Variants in WDPCP observed in about 807,000 individuals in gnomAD.
The protein encoded by WDPCP is WD repeat containing planar cell polarity effector, also known as WD repeat-containing and planar cell polarity effector protein fritz homolog.
A neutral mutation model predicts 93.1 loss-of-function variants in WDPCP; 71 were observed. The observed-to-expected ratio is 0.76, with a 90% CI of 0.63 to 0.93. The LOEUF is 0.93. WDPCP is among the 40% of genes least tolerant of loss of function. The probability of loss-of-function intolerance (pLI) is 0.00; values close to 1 mark genes in which losing one functional copy is unlikely to be tolerated. For missense variants in WDPCP, 844 were observed against 887.4 expected (o/e 0.95, Z 0.62); for synonymous variants, 315 against 315.0 (o/e 1.00, Z 0.00).
In WDPCP at chr2:63,633,131, C is replaced by A. The variant is rs567035359; in HGVS notation, n.488+17528G>T. On this transcript the variant is annotated intron_variant and non_coding_transcript_variant, in intron 3 of 4. Coordinates refer to the WDPCP transcript ENST00000467687. ...AAAATATTTTACCCTGCAAAGCTGT[C>A]CTTCAGCAATGAATGAGAGAGAAAG... Among the ~76,000 whole-genome samples the A allele has an allele frequency of 2.6e-5, 4 of 152,228 alleles. No homozygotes were observed. The South Asian group carries it at 8.3e-4, about 32-fold the overall frequency.
At chr2:63,129,030 A>G (rs538544406) in intron 17 of WDPCP, among the ~76,000 whole-genome samples, 84 of 152,314 alleles carry the variant, frequency 5.5e-4, no homozygotes, top group African/African-American at 1.8e-3. Flanking sequence ...GAGTAATGCA[A>G]TATTTGTCCT....
At chr2:63,674,666 C>T (rs1477070894) in intron 2 of WDPCP, among the ~76,000 whole-genome samples, 25 of 151,422 alleles carry the variant, frequency 1.7e-4, no homozygotes, top group Admixed American at 1.6e-3. Flanking sequence ...TTCTATGTAC[C>T]CTTAGGAACT....
At chr2:63,263,707 T>C (rs1389530793) in intron 13 of WDPCP, among the ~76,000 whole-genome samples, 3 of 152,050 alleles carry the variant, frequency 2.0e-5, no homozygotes, top group East Asian at 1.9e-4. Context: ...TGGCTGTATA[T>C]TTCATTTTTA....
intron 1 of WDPCP, among the ~76,000 whole-genome samples, chr2:63,548,038 A>T: frequency 6.6e-6 from 1 of 152,250 alleles, no homozygotes; most frequent in East Asian, 1.9e-4. Context: ...TACTCTGAAA[A>T]TATGTACATC....
rs1266545039 is a variant in WDPCP at position 63,404,655 on chromosome 2, A to C, written c.828T>G (p.Val276=). Residue 276 remains valine, a splice_region_variant and synonymous_variant, in exon 10 of 18, where the codon GTT becomes GTG. Coordinates refer to ENST00000272321, the MANE Select transcript of WDPCP (RefSeq NM_015910.7). ...LLGYAQGRLE[V]LSSVRTEWDP... Reference sequence around the variant, plus strand: ...CCCATTCTGTGCGGACAGAACTCAGAACCTGTTAAGAAATATATCAAGTAC... The same window carrying C: ...CCCATTCTGTGCGGACAGAACTCAGCACCTGTTAAGAAATATATCAAGTAC... 1.2e-6 allele frequency: 2 copies of C among 1,614,036 alleles called. No homozygotes were observed. The highest frequency in any genetic ancestry group is 2.2e-5 in the South Asian group (2 of 91,078).
Position 63,225,509 on chromosome 2 carries a change from C to T in WDPCP, c.1915+33798G>A, listed in dbSNP as rs181896456. On this transcript the variant is annotated intron_variant, in intron 14 of 17. Coordinates refer to ENST00000272321, the MANE Select transcript of WDPCP (RefSeq NM_015910.7). ...CCGAAAAAACACATGCCCTAAGACC[C>T]AACAATTCAAGTCCCAGATATTATA... 2.8e-4 allele frequency among the ~76,000 whole-genome samples: 42 copies of T among 151,700 alleles called. 1 individual carries two copies. The highest frequency in any genetic ancestry group is 2.7e-3 in the Admixed American group (41 of 15,186).
chr2:63,593,769 T>C (rs1412138520), upstream of WDPCP: 1 of 440,232 alleles, frequency 2.3e-6, no homozygotes, highest in Non-Finnish European at 4.7e-6. Context: ...TTTTAATAGA[T>C]ATATTTCTAT....
chr2:63,560,092 G>A (rs561678248), intron 1 of WDPCP, among the ~76,000 whole-genome samples: 8 of 150,384 alleles, frequency 5.3e-5, no homozygotes, highest in Non-Finnish European at 8.8e-5. Context: ...GCGTGGTGTC[G>A]CATGCCTGTA....
At chr2:63,812,760 G>T (rs1227776382) in intron 2 of WDPCP, among the ~76,000 whole-genome samples, 3 of 151,968 alleles carry the variant, frequency 2.0e-5, no homozygotes, top group Non-Finnish European at 4.4e-5. Flanking sequence ...CATGGCAATA[G>T]AAAACTAATA....
intron 17 of WDPCP, among the ~76,000 whole-genome samples, chr2:63,141,809 C>T (rs1295580687): frequency 1.3e-5 from 2 of 151,994 alleles, no homozygotes; most frequent in Non-Finnish European, 2.9e-5. Context: ...TTCGATCTCG[C>T]TGCTTGTTAT....
At chr2:63,774,919 T>C (rs959115440) in intron 2 of WDPCP, among the ~76,000 whole-genome samples, 19 of 152,258 alleles carry the variant, frequency 1.2e-4, no homozygotes, top group African/African-American at 4.6e-4. Flanking sequence ...AAAATATAAG[T>C]CACATCAATC....
intron 3 of WDPCP, chr2:63,599,466 A>G (rs1375614808): frequency 3.5e-6 from 2 of 564,776 alleles, no homozygotes; most frequent in South Asian, 2.7e-5. Context: ...GAGTCTTTAA[A>G]TGTATTCTCT....
chr2:63,216,164 C>G lies in WDPCP; in HGVS notation c.1916-41332G>C, dbSNP rs146785967. Among the ~76,000 whole-genome samples the G allele has an allele frequency of 2.8e-4, 43 of 152,264 alleles. No individual in the cohort carries two copies. In the East Asian group the frequency reaches 7.1e-3, roughly 25 times the overall value. Reference sequence around the variant, plus strand: ...GTCAGTGTGGCAATTCCTCAAGGATCTAGAACTGGAAATACGATTTGACCC... The same window carrying G: ...GTCAGTGTGGCAATTCCTCAAGGATGTAGAACTGGAAATACGATTTGACCC... On this transcript the variant is annotated intron_variant, in intron 14 of 17. Transcript: ENST00000272321.
intron 6 of WDPCP, among the ~76,000 whole-genome samples, chr2:63,464,616 A>G (rs1342492385): frequency 6.6e-6 from 1 of 152,150 alleles, no homozygotes; most frequent in East Asian, 1.9e-4. Context: ...CACAAACTCT[A>G]AGAGGTGGAA....
At chr2:63,749,851 G>A (rs770921991) in intron 2 of WDPCP, among the ~76,000 whole-genome samples, 9 of 152,078 alleles carry the variant, frequency 5.9e-5, no homozygotes, top group Non-Finnish European at 1.2e-4. Context: ...TCCACATGAT[G>A]TGAAATTACT....
chr2:63,778,353 G>A (rs1369783064), intron 2 of WDPCP, among the ~76,000 whole-genome samples: 2 of 152,030 alleles, frequency 1.3e-5, no homozygotes, highest in African/African-American at 4.8e-5. Context: ...GATTACAGGC[G>A]CCTGCCACTG....
At chr2:63,266,770 C>T (rs530494000) in intron 13 of WDPCP, among the ~76,000 whole-genome samples, 3 of 152,234 alleles carry the variant, frequency 2.0e-5, no homozygotes, top group South Asian at 2.1e-4. Context: ...CACTCCACTG[C>T]ACTCTAGCCT....
chr2:63,360,961 T>A (rs960257127), intron 12 of WDPCP, among the ~76,000 whole-genome samples: 9 of 152,206 alleles, frequency 5.9e-5, no homozygotes, highest in African/African-American at 2.2e-4. Context: ...TAATGATAAA[T>A]GTCAGTTATC....
At chr2:63,215,416 CCA>C (rs1677235023) in intron 14 of WDPCP, among the ~76,000 whole-genome samples, 2 of 152,168 alleles carry the variant, frequency 1.3e-5, no homozygotes, top group African/African-American at 4.8e-5. Context: ...ATATCTGCAA[CCA>C]TCTGATCTTT....
Sources: gnomAD v4.1 joint callset for allele counts (sites outside exome capture counted in the v4.1 genomes callset) on GRCh38, gnomAD v4.1.1 for gene constraint, MANE v1.5 for transcripts, NCBI Gene and HGNC (gene_info 2026-07-23, HGNC 2026-07-21) for gene names.